USP20: variants seen among roughly 807,000 people sequenced by gnomAD.
The protein encoded by USP20 is ubiquitin specific peptidase 20, also known as ubiquitin carboxyl-terminal hydrolase 20.
USP20 carries 80 observed loss-of-function variants against 124.2 expected under a neutral mutation model. The observed-to-expected ratio is 0.64, with a 90% CI of 0.54 to 0.78. The LOEUF (loss-of-function observed/expected upper bound fraction) is 0.78, where lower values mean the gene tolerates loss of function less well. Ranked by LOEUF, USP20 falls within the 30% of genes least tolerant of loss-of-function variation. USP20 has a pLI of 0.00. For synonymous variants in USP20, 481 were observed against 512.3 expected (o/e 0.94, Z 0.83); for missense variants, 1,043 against 1,244.4 (o/e 0.84, Z 2.44).
intron 3 of USP20, among the ~76,000 whole-genome samples, chr9:129,855,521 G>C (rs1588257263): frequency 6.6e-6 from 1 of 152,150 alleles, no homozygotes; most frequent in Middle Eastern, 3.4e-3. Context: ...TTCTCAACAT[G>C]TGGCTTTCAT....
At chr9:129,840,523 T>G (rs1449790010) in intron 1 of USP20, among the ~76,000 whole-genome samples, 1 of 152,094 alleles carries the variant, frequency 6.6e-6, no homozygotes, top group Non-Finnish European at 1.5e-5. Flanking sequence ...AAAGTCAAAC[T>G]TAAGAAAAAT....
intron 14 of USP20, 155 bp downstream of exon 14, chr9:129,869,999 A>G: frequency 1.2e-6 from 1 of 830,338 alleles, no homozygotes; most frequent in Non-Finnish European, 1.9e-6. Context: ...TTGGCTTAAT[A>G]TGCAGGGGAT....
chr9:129,860,737 A>G (rs1249009946), intron 6 of USP20, among the ~76,000 whole-genome samples, 200 bp from the exon 7 acceptor site: 4 of 152,202 alleles, frequency 2.6e-5, no homozygotes, highest in Non-Finnish European at 5.9e-5. Context: ...AAAAACACAG[A>G]CACACACAAA....
intron 8 of USP20, among the ~76,000 whole-genome samples, chr9:129,861,838 G>C (rs1385666609): frequency 1.3e-5 from 2 of 152,194 alleles, no homozygotes; most frequent in Admixed American, 1.3e-4. Context: ...GAGGCTCAGT[G>C]CTCTGTTGTT....
rs757013358 is a variant in USP20 at position 129,879,237 on chromosome 9, G to A, written c.2513-336G>A. 1.3e-5 allele frequency: 4 copies of A among 316,242 alleles called. No individual in the cohort carries two copies. Among genetic ancestry groups the A allele is most frequent in the East Asian group, 1.2e-4 (2 of 16,934 alleles). 19.6% of individuals were successfully genotyped at this position (316,242 alleles called of 1,614,324 possible). Reference sequence around the variant, plus strand: ...CTCGGCTCTGTCTCTGTAAACCTCTGTCTTGTCCTGTGGTTGCCGAGGCTA... The same window carrying A: ...CTCGGCTCTGTCTCTGTAAACCTCTATCTTGTCCTGTGGTTGCCGAGGCTA... On this transcript the variant is annotated intron_variant, in intron 23 of 25. Transcript: ENST00000372429. The surrounding 1 kb of genome is among the most constrained non-coding windows in gnomAD (Gnocchi z 4.2).
intron 11 of USP20, among the ~76,000 whole-genome samples, 180 bp from the exon 12 acceptor site, chr9:129,868,682 C>T (rs770583173): frequency 2.0e-5 from 3 of 152,132 alleles, no homozygotes; most frequent in Non-Finnish European, 2.9e-5. Flanking sequence ...TCCAGCCGGA[C>T]ATGGATTGGA....
chr9:129,878,462 C>T (rs948636600), intron 23 of USP20, 22 bp downstream of exon 23: 3 of 1,571,918 alleles, frequency 1.9e-6, no homozygotes, highest in Non-Finnish European at 2.6e-6. Flanking sequence ...GGGGACCTGG[C>T]ACTTACCTGC....
chr9:129,869,352 G>A lies in USP20; in HGVS notation c.1319G>A (p.Arg440His), dbSNP rs771760998. 8.1e-6 allele frequency: 13 copies of A among 1,613,582 alleles called. No homozygotes were observed. Among genetic ancestry groups the A allele is most frequent in the African/African-American group, 4.0e-5 (3 of 74,938 alleles). ...SAGSRRRKEQ[R>H]YRSVISDIFD... The stretch of plus-strand genomic sequence containing the variant: ...GGCAGCCGGAGGCGGAAGGAGCAGC[G>A]CTACCGCAGCGTCATCTCAGACATC... The change falls in exon 13 of 26, where the codon CGC becomes CAC. Residue 440 changes from arginine to histidine, a missense_variant. Physicochemically the swap from Arg to His is conservative, Grantham distance 29. Coordinates refer to ENST00000372429, the MANE Select transcript of USP20 (RefSeq NM_001110303.4).
Position 129,866,105 on chromosome 9 carries a change from C to T in USP20, c.690+724C>T, listed in dbSNP as rs561463038. Among the ~76,000 whole-genome samples the T allele has an allele frequency of 1.4e-4, 21 of 152,342 alleles. No individual in the cohort carries two copies. In the South Asian group the frequency reaches 1.7e-3, roughly 12 times the overall value. On this transcript the variant is annotated intron_variant, in intron 10 of 25. Transcript: ENST00000372429. ...CCTCCAGCCTCCTGCCCCAGATGGCCCACAGCCTGGGCTTTCATGCCAGGC... is the reference window on the plus strand; with the variant it reads ...CCTCCAGCCTCCTGCCCCAGATGGCTCACAGCCTGGGCTTTCATGCCAGGC...
Position 129,868,943 on chromosome 9 carries a change from C to G in USP20, c.1217C>G (p.Ser406Cys), listed in dbSNP as rs1405948339. The G allele has an allele frequency of 1.2e-6, 2 of 1,612,926 alleles. No homozygotes were observed. Among genetic ancestry groups the G allele is most frequent in the East Asian group, 2.2e-5 (1 of 44,844 alleles). ...VHHHEGHAKL[S>C]SSPPRASPVR... ...CACCACGAGGGCCATGCCAAGCTGT[C>G]TAGCAGCCCCCCTCGTGCAAGCCCC... The change falls in exon 12 of 26, where the codon TCT (serine) becomes TGT (cysteine). Residue 406 changes from serine to cysteine, a missense_variant. Ser to Cys is a moderately radical substitution (Grantham distance 112). Coordinates refer to ENST00000372429, the MANE Select transcript of USP20 (RefSeq NM_001110303.4).
At chr9:129,868,527 A>G (rs1239463815) in intron 11 of USP20, 78 bp downstream of exon 11, 115 of 1,502,128 alleles carry the variant, frequency 7.7e-5, no homozygotes, top group East Asian at 1.4e-4. Context: ...GCCGACCTGC[A>G]GTAGCCCCCG....
intron 6 of USP20, 50 bp from the exon 7 acceptor site, chr9:129,860,886 GA>G: frequency 6.3e-7 from 1 of 1,591,772 alleles, no homozygotes; most frequent in Non-Finnish European, 8.6e-7. Flanking sequence ...CTGGGCCTCT[GA>G]CCCCAGCCCC....
intron 6 of USP20, 55 bp from the exon 7 acceptor site, chr9:129,860,882 C>T (rs2033507335): frequency 1.9e-6 from 3 of 1,582,260 alleles, no homozygotes; most frequent in Non-Finnish European, 2.6e-6. Context: ...ACACCTGGGC[C>T]TCTGACCCCA....
Position 129,868,946 on chromosome 9 carries a change from G to A in USP20, c.1220G>A (p.Ser407Asn). The A allele has an allele frequency of 1.2e-6, 2 of 1,612,840 alleles. No homozygotes were observed. The highest frequency in any genetic ancestry group is 1.7e-6 in the Non-Finnish European group (2 of 1,179,352). Residue 407 changes from serine to asparagine, a missense_variant, in exon 12 of 26, where the codon AGC becomes AAC. Ser to Asn is a conservative substitution (Grantham distance 46). Transcript: ENST00000372429. ...HHHEGHAKLS[S>N]SPPRASPVRM... Reference sequence around the variant, plus strand: ...CACGAGGGCCATGCCAAGCTGTCTAGCAGCCCCCCTCGTGCAAGCCCCGTG... The same window carrying A: ...CACGAGGGCCATGCCAAGCTGTCTAACAGCCCCCCTCGTGCAAGCCCCGTG...
chr9:129,841,159 G>C (rs910651416), intron 1 of USP20, among the ~76,000 whole-genome samples: 1 of 152,198 alleles, frequency 6.6e-6, no homozygotes, highest in Non-Finnish European at 1.5e-5. Flanking sequence ...AAACGACAGA[G>C]ATTTATTTTC....
At chr9:129,843,636 C>T (rs1006313680) in intron 1 of USP20, among the ~76,000 whole-genome samples, 3 of 151,932 alleles carry the variant, frequency 2.0e-5, no homozygotes, top group Non-Finnish European at 4.4e-5. Flanking sequence ...ACTTGGGAGG[C>T]TGAGGCAGCA....
chr9:129,853,687 T>A (rs10733699), intron 3 of USP20, among the ~76,000 whole-genome samples: 1 of 152,160 alleles, frequency 6.6e-6, no homozygotes, highest in African/African-American at 2.4e-5. Context: ...GAAGTGACTT[T>A]GCCTCTTGCA....
intron 10 of USP20, among the ~76,000 whole-genome samples, chr9:129,866,927 C>G (rs1175812959): frequency 6.6e-6 from 1 of 152,186 alleles, no homozygotes; most frequent in African/African-American, 2.4e-5. Context: ...TGGTTCATTC[C>G]TCTGATCTTG....
chr9:129,841,153 G>A (rs777181906), intron 1 of USP20, among the ~76,000 whole-genome samples: 1 of 152,196 alleles, frequency 6.6e-6, no homozygotes, highest in Non-Finnish European at 1.5e-5. Context: ...TGGCTTAAAC[G>A]ACAGAGATTT....
Sources: allele counts gnomAD v4.1 joint callset (sites outside exome capture counted in the v4.1 genomes callset), GRCh38; gene constraint gnomAD v4.1.1; non-coding constraint Gnocchi (gnomAD v3.1); transcripts MANE v1.5; gene names NCBI Gene and HGNC (gene_info 2026-07-23, HGNC 2026-07-21).